SBF2: variants seen among roughly 807,000 people sequenced by gnomAD.
SBF2 encodes SET binding factor 2, also known as myotubularin-related protein 13.
A neutral mutation model predicts 225.2 loss-of-function variants in SBF2; 112 were observed. The observed-to-expected ratio is 0.50, with a 90% CI of 0.43 to 0.58. The LOEUF (loss-of-function observed/expected upper bound fraction) is 0.58, where lower values mean the gene tolerates loss of function less well. Ranked by LOEUF, SBF2 falls within the 20% of genes least tolerant of loss-of-function variation. SBF2 has a pLI of 0.00. For missense variants in SBF2, 1,996 were observed against 2,206.2 expected, an observed-to-expected ratio of 0.90 and a Z score of 1.91; for synonymous variants, 763 against 773.3, an observed-to-expected ratio of 0.99 and a Z score of 0.22.
At chr11:10,191,664 C>G (rs1476018568) in intron 2 of SBF2, among the ~76,000 whole-genome samples, 1 of 152,178 alleles carries the variant, frequency 6.6e-6, no homozygotes, top group East Asian at 1.9e-4. Flanking sequence ...AAAGTTCTGT[C>G]TAACTCTTAG....
At chr11:10,221,934 T>C (rs1591247073) in intron 1 of SBF2, among the ~76,000 whole-genome samples, 2 of 152,272 alleles carry the variant, frequency 1.3e-5, no homozygotes, top group East Asian at 3.9e-4. Flanking sequence ...AAGACCACAG[T>C]TGCTGAAAAG....
At chr11:10,070,522 G>A (rs141453711) in intron 2 of SBF2, among the ~76,000 whole-genome samples, 21 of 152,254 alleles carry the variant, frequency 1.4e-4, no homozygotes, top group African/African-American at 5.1e-4. Context: ...GTGTATATAT[G>A]TGGTTTGGTA....
chr11:10,294,881 G>T (rs1288816837), upstream of SBF2, among the ~76,000 whole-genome samples: 1 of 152,236 alleles, frequency 6.6e-6, no homozygotes, highest in Non-Finnish European at 1.5e-5. Flanking sequence ...CGCACGCCTC[G>T]GCTTGCTTCC....
At chr11:10,135,145 T>TTGCAGCCTCTGAAGCCACAG (rs1412874818) in intron 2 of SBF2, among the ~76,000 whole-genome samples, 3 of 152,246 alleles carry the variant, frequency 2.0e-5, no homozygotes, top group African/African-American at 4.8e-5. Flanking sequence ...GGCTTAGGGC[T>TTGCAGCCTCTGAAGCCACAG]TGCAGCCTCT....
chr11:10,263,055 CCT>C (rs1961598777), intron 1 of SBF2, among the ~76,000 whole-genome samples: 1 of 151,778 alleles, frequency 6.6e-6, no homozygotes, highest in Non-Finnish European at 1.5e-5. Flanking sequence ...GTACTACTTC[CCT>C]GTTTTAAAAA....
chr11:10,144,240 C>A (rs1340346266), intron 2 of SBF2, among the ~76,000 whole-genome samples: 1 of 152,128 alleles, frequency 6.6e-6, no homozygotes, highest in African/African-American at 2.4e-5. Context: ...ATAATCCCAG[C>A]ACTTTGGGAG....
intron 1 of SBF2, among the ~76,000 whole-genome samples, chr11:10,202,784 T>C (rs1957615040): frequency 6.6e-6 from 1 of 152,068 alleles, no homozygotes; most frequent in Non-Finnish European, 1.5e-5. Context: ...CGAGACTCCG[T>C]CTCAAAAAAA....
At chr11:10,188,581 A>G (rs1036653164) in intron 2 of SBF2, among the ~76,000 whole-genome samples, 4 of 152,238 alleles carry the variant, frequency 2.6e-5, no homozygotes, top group Non-Finnish European at 4.4e-5. Flanking sequence ...CACTGACAAA[A>G]TAAGCAGAAT....
Position 9,808,073 on chromosome 11 carries a change from C to A in SBF2, c.4370G>T (p.Ser1457Ile). ...LSFGHKFSQR[S>I]SLTLNCQGSG... ...CCCCTGACAGTTGAGGGTCAAGCTG[C>A]TCCTCTGACTGAATTTGTGACCAAA... Residue 1457 changes from serine (S) to isoleucine (I), a missense_variant, in exon 32 of 40, where the codon AGC (serine) becomes ATC (isoleucine). Ser to Ile is a moderately radical substitution (Grantham distance 142). Coordinates refer to ENST00000256190, the MANE Select transcript of SBF2 (RefSeq NM_030962.4). The A allele has an allele frequency of 6.2e-7, 1 of 1,614,190 alleles. No individual in the cohort carries two copies. Among genetic ancestry groups the A allele is most frequent in the Admixed American group, 1.7e-5 (1 of 60,026 alleles).
chr11:9,833,502 G>A (rs1441872144), intron 26 of SBF2, among the ~76,000 whole-genome samples: 1 of 146,158 alleles, frequency 6.8e-6, no homozygotes, highest in African/African-American at 2.5e-5. Flanking sequence ...CCCATTGCAA[G>A]CTCCGCCTCC....
At chr11:9,936,537 A>G (rs1192592481) in intron 16 of SBF2, among the ~76,000 whole-genome samples, 2 of 152,246 alleles carry the variant, frequency 1.3e-5, no homozygotes, top group African/African-American at 2.4e-5. Context: ...ACAATAGCAA[A>G]GACTTGGAAC....
chr11:10,240,189 A>G (rs1234103267), intron 1 of SBF2, among the ~76,000 whole-genome samples: 1 of 151,918 alleles, frequency 6.6e-6, no homozygotes, highest in African/African-American at 2.4e-5. Context: ...CTAGATGAAC[A>G]TGATAATTTT....
intron 1 of SBF2, among the ~76,000 whole-genome samples, chr11:10,226,768 T>C (rs1316847511): frequency 1.3e-5 from 2 of 152,188 alleles, no homozygotes; most frequent in Non-Finnish European, 1.5e-5. Flanking sequence ...TTTGCTATTG[T>C]GAATAGTGCC....
chr11:10,260,226 G>A (rs1565410844), intron 1 of SBF2, among the ~76,000 whole-genome samples: 2 of 152,278 alleles, frequency 1.3e-5, no homozygotes, highest in African/African-American at 4.8e-5. Context: ...ATTTCAATAA[G>A]ACTATTACTC....
At chr11:10,152,123 T>C (rs1007916418) in intron 2 of SBF2, among the ~76,000 whole-genome samples, 1 of 152,234 alleles carries the variant, frequency 6.6e-6, no homozygotes, top group African/African-American at 2.4e-5. Flanking sequence ...TGCAGATGAC[T>C]TGTAAAAGAC....
At chr11:9,792,763 TGTTTTTGAGACAGGG>T (rs1852833768) in intron 33 of SBF2, among the ~76,000 whole-genome samples, 4 of 151,932 alleles carry the variant, frequency 2.6e-5, no homozygotes. Flanking sequence ...TATGTGTTGT[TGTTTTTGAGACAGGG>T]TCTCAACCCT....
intron 29 of SBF2, among the ~76,000 whole-genome samples, chr11:9,815,188 C>G (rs947193380): frequency 6.6e-6 from 1 of 150,652 alleles, no homozygotes; most frequent in Non-Finnish European, 1.5e-5. Flanking sequence ...GCCTGTAATC[C>G]CAGCACTTTG....
intron 16 of SBF2, among the ~76,000 whole-genome samples, chr11:9,943,291 A>AT (rs2134301974): frequency 6.6e-6 from 1 of 152,338 alleles, no homozygotes; most frequent in African/African-American, 2.4e-5. Context: ...TTAAGAGAGT[A>AT]TGAGAATATT....
intron 16 of SBF2, among the ~76,000 whole-genome samples, chr11:9,896,347 AT>A (rs1286531644): frequency 6.6e-6 from 1 of 151,658 alleles, no homozygotes; most frequent in South Asian, 2.1e-4. Flanking sequence ...ACTTACACAA[AT>A]TTTTTTTTGG....
Sources: gnomAD v4.1 joint callset for allele counts (sites outside exome capture counted in the v4.1 genomes callset) on GRCh38, gnomAD v4.1.1 for gene constraint, MANE v1.5 for transcripts, NCBI Gene and HGNC (gene_info 2026-07-23, HGNC 2026-07-21) for gene names.